The following SAMD12 variants were observed in gnomAD, a reference collection of about 807,000 sequenced individuals.
SAMD12 encodes sterile alpha motif domain-containing protein 12.
Under a neutral mutation model 15.0 loss-of-function variants are expected in SAMD12, and 9 were observed. That is an observed-to-expected ratio of 0.60 (90% CI 0.36 to 1.05). The LOEUF (loss-of-function observed/expected upper bound fraction) is 1.05, where lower values mean the gene tolerates loss of function less well. Among genes scored for constraint, SAMD12 ranks in the 50% least tolerant of loss-of-function variants. The pLI, the probability that SAMD12 is intolerant of heterozygous loss-of-function variation, is 0.01. For missense variants in SAMD12, 230 were observed against 234.2 expected, an observed-to-expected ratio of 0.98 and a Z score of 0.12; for synonymous variants, 86 against 90.1, an observed-to-expected ratio of 0.96 and a Z score of 0.25.
chr8:118,498,978 G>C (rs192931062), intron 2 of SAMD12, among the ~76,000 whole-genome samples: 56 of 152,256 alleles, frequency 3.7e-4, no homozygotes, highest in Admixed American at 3.2e-3. Flanking sequence ...ATACATGCTG[G>C]CTTATCTAGA....
chr8:118,543,544 C>T (rs887025000), intron 2 of SAMD12, among the ~76,000 whole-genome samples: 20 of 151,950 alleles, frequency 1.3e-4, no homozygotes, highest in African/African-American at 3.1e-4. Context: ...TGCATGTGGC[C>T]GAGGACAGCT....
At chr8:118,281,083 A>C (rs1813627611) in intron 4 of SAMD12, among the ~76,000 whole-genome samples, 1 of 149,248 alleles carries the variant, frequency 6.7e-6, no homozygotes, top group African/African-American at 2.4e-5. Flanking sequence ...TGTACTAGCA[A>C]GGAAAATATC....
At chr8:118,483,877 C>T (rs1323453223) in intron 2 of SAMD12, among the ~76,000 whole-genome samples, 1 of 152,102 alleles carries the variant, frequency 6.6e-6, no homozygotes, top group African/African-American at 2.4e-5. Flanking sequence ...AGAAGGTCAC[C>T]CAGATAGATT....
intron 4 of SAMD12, among the ~76,000 whole-genome samples, chr8:118,301,987 T>C (rs1051725589): frequency 2.0e-5 from 3 of 150,458 alleles, no homozygotes; most frequent in Non-Finnish European, 4.4e-5. Context: ...AAGCTCGGGC[T>C]AGGGACAATA....
intron 2 of SAMD12, among the ~76,000 whole-genome samples, chr8:118,553,871 A>C (rs1826431092): frequency 6.7e-6 from 1 of 149,826 alleles, no homozygotes; most frequent in African/African-American, 2.5e-5. Flanking sequence ...AAGTGGGCGA[A>C]GGACATGAAC....
chr8:118,533,188 C>T (rs975792889), intron 2 of SAMD12, among the ~76,000 whole-genome samples: 3 of 152,078 alleles, frequency 2.0e-5, no homozygotes, highest in African/African-American at 7.2e-5. Context: ...GCCTTCATTT[C>T]GTTAATGTAC....
Position 118,433,940 on chromosome 8 carries a change from C to T in SAMD12, c.322+5892G>A, listed in dbSNP as rs369100099. ...CATCACATAAAGTAATTATTCTACT[C>T]CTTTTGACACTTGTTAGCTACACAC... On this transcript the variant is annotated intron_variant, in intron 3 of 3. Coordinates refer to ENST00000314727, the MANE Select transcript of SAMD12 (RefSeq NM_207506.3). 5.3e-5 allele frequency among the ~76,000 whole-genome samples: 8 copies of T among 152,254 alleles called. No individual in the cohort carries two copies. In the East Asian group the frequency reaches 5.8e-4, roughly 11 times the overall value.
intron 2 of SAMD12, among the ~76,000 whole-genome samples, chr8:118,548,122 C>T (rs914509610): frequency 2.6e-5 from 4 of 152,182 alleles, no homozygotes; most frequent in Admixed American, 6.5e-5. Flanking sequence ...TGAAATTACA[C>T]AGAGAATGGA....
chr8:118,456,312 G>T (rs1157369192), intron 2 of SAMD12, among the ~76,000 whole-genome samples: 1 of 152,114 alleles, frequency 6.6e-6, no homozygotes, highest in African/African-American at 2.4e-5. Context: ...TTTCTGCAGG[G>T]TCGTCTTCCT....
At chr8:118,417,257 A>C (rs1050522654) in intron 3 of SAMD12, among the ~76,000 whole-genome samples, 7 of 152,030 alleles carry the variant, frequency 4.6e-5, no homozygotes, top group Non-Finnish European at 5.9e-5. Flanking sequence ...ATTTTTAAAA[A>C]TTATTTTGTA....
At chr8:118,143,798 G>A in the SAMD12 span, among the ~76,000 whole-genome samples, 5 of 152,268 alleles carry the variant, frequency 3.3e-5, no homozygotes, top group African/African-American at 7.2e-5. Context: ...TGGAAAGCAC[G>A]AAAACACGGA....
chr8:118,454,656 A>G (rs1324236918), intron 2 of SAMD12, among the ~76,000 whole-genome samples: 1 of 152,192 alleles, frequency 6.6e-6, no homozygotes, highest in Non-Finnish European at 1.5e-5. Context: ...AAAATTTACC[A>G]TCTTCATAAT....
At chr8:118,248,013 G>C (rs2129998947) in intron 4 of SAMD12, among the ~76,000 whole-genome samples, 1 of 152,202 alleles carries the variant, frequency 6.6e-6, no homozygotes, top group East Asian at 1.9e-4. Context: ...ACATACAACA[G>C]GGATAAAGAA....
intron 4 of SAMD12, among the ~76,000 whole-genome samples, chr8:118,317,593 T>TTTGGCA (rs1454561328): frequency 6.6e-6 from 1 of 152,200 alleles, no homozygotes; most frequent in African/African-American, 2.4e-5. Flanking sequence ...ACTATTAGAA[T>TTTGGCA]TTGGCATTTA....
chr8:118,160,387 C>T, the SAMD12 span, among the ~76,000 whole-genome samples: 3 of 152,084 alleles, frequency 2.0e-5, no homozygotes, highest in Non-Finnish European at 2.9e-5. Context: ...CCTATATTAG[C>T]CAAATCAATT....
chr8:118,507,694 G>A (rs1354579968), intron 2 of SAMD12, among the ~76,000 whole-genome samples: 15 of 152,198 alleles, frequency 9.9e-5, no homozygotes, highest in Admixed American at 9.8e-4. Context: ...TGATCCTTGA[G>A]TCAAACTGCT....
At chr8:118,536,342 T>C (rs567595662) in intron 2 of SAMD12, among the ~76,000 whole-genome samples, 1 of 152,148 alleles carries the variant, frequency 6.6e-6, no homozygotes, top group Non-Finnish European at 1.5e-5. Context: ...TATTTACTAT[T>C]TAGTTACCTC....
chr8:118,404,558 T>C (rs941866281), intron 3 of SAMD12, among the ~76,000 whole-genome samples: 4 of 152,236 alleles, frequency 2.6e-5, no homozygotes, highest in African/African-American at 4.8e-5. Context: ...CCACTTTTTC[T>C]TAACTTCCAT....
chr8:118,150,031 G>A, the SAMD12 span, among the ~76,000 whole-genome samples: 3 of 152,072 alleles, frequency 2.0e-5, no homozygotes, highest in East Asian at 5.8e-4. Context: ...CCATCACCAG[G>A]GGATATTTAA....
Sources: allele counts gnomAD v4.1 joint callset (sites outside exome capture counted in the v4.1 genomes callset), GRCh38; gene constraint gnomAD v4.1.1; transcripts MANE v1.5; gene names NCBI Gene and HGNC (gene_info 2026-07-23, HGNC 2026-07-21).